The following TENM4 variants were observed in gnomAD, a reference collection of about 807,000 sequenced individuals.
TENM4 encodes teneurin transmembrane protein 4.
A neutral mutation model predicts 243.3 loss-of-function variants in TENM4; 82 were observed. That is an observed-to-expected ratio of 0.34 (90% CI 0.28 to 0.40). The LOEUF (loss-of-function observed/expected upper bound fraction) is 0.40. Among genes scored for constraint, TENM4 ranks in the 10% least tolerant of loss-of-function variants. The pLI is 1.00. For synonymous variants in TENM4, 1,412 were observed against 1,456.3 expected (o/e 0.97, Z 0.69); for missense variants, 3,138 against 3,673.3 (o/e 0.85, Z 3.77).
At chr11:79,276,539 C>T (rs1856059296) in intron 2 of TENM4, among the ~76,000 whole-genome samples, 1 of 152,194 alleles carries the variant, frequency 6.6e-6, no homozygotes, top group Non-Finnish European at 1.5e-5. Context: ...CGGCATGCAT[C>T]TTTCTCCTAG....
At chr11:79,277,038 G>T (rs528280440) in intron 2 of TENM4, among the ~76,000 whole-genome samples, 103 of 152,102 alleles carry the variant, frequency 6.8e-4, no homozygotes, top group Non-Finnish European at 1.2e-3. Context: ...GCATTATTCT[G>T]TTTTTTTGGC....
At chr11:79,316,718 C>T (rs145440190) in intron 1 of TENM4, among the ~76,000 whole-genome samples, 41 of 152,266 alleles carry the variant, frequency 2.7e-4, no homozygotes, top group African/African-American at 7.5e-4. Flanking sequence ...GAAGTGCAGG[C>T]GGGCAGGCAA....
chr11:79,250,787 C>A (rs569229093), intron 2 of TENM4, among the ~76,000 whole-genome samples: 1 of 152,196 alleles, frequency 6.6e-6, no homozygotes, highest in African/African-American at 2.4e-5. Flanking sequence ...CAACAACTTG[C>A]TAGGCGAAGC....
intron 1 of TENM4, among the ~76,000 whole-genome samples, chr11:79,416,488 A>T (rs1858816439): frequency 1.3e-5 from 2 of 152,152 alleles, no homozygotes; most frequent in South Asian, 4.1e-4. Context: ...GCATTCTTTC[A>T]TGTGCCTCTT....
At chr11:79,325,949 C>A (rs1028777302) in intron 1 of TENM4, among the ~76,000 whole-genome samples, 3 of 152,164 alleles carry the variant, frequency 2.0e-5, no homozygotes, top group African/African-American at 4.8e-5. Context: ...AATTAGGAAC[C>A]AAAATCACTT....
intron 17 of TENM4, among the ~76,000 whole-genome samples, chr11:78,777,547 C>G (rs1029393218): frequency 1.3e-5 from 2 of 150,776 alleles, no homozygotes; most frequent in African/African-American, 2.5e-5. Flanking sequence ...ATAATTCATA[C>G]TTATTGAGCA....
At chr11:79,046,303 CG>C (rs1238682891) in intron 6 of TENM4, among the ~76,000 whole-genome samples, 1 of 152,154 alleles carries the variant, frequency 6.6e-6, no homozygotes, top group African/African-American at 2.4e-5. Context: ...CAGAACAAAA[CG>C]GTTTCTTCTG....
intron 30 of TENM4, among the ~76,000 whole-genome samples, chr11:78,672,862 G>T (rs1858368235): frequency 6.6e-6 from 1 of 152,004 alleles, no homozygotes. Context: ...ACACTCAGTG[G>T]CCCTCTGAGC....
chr11:78,721,186 G>A (rs1402003325), intron 24 of TENM4, among the ~76,000 whole-genome samples: 2 of 152,142 alleles, frequency 1.3e-5, no homozygotes, highest in Non-Finnish European at 2.9e-5. Flanking sequence ...ACACAAATAC[G>A]CTCAAAGAAT....
At chr11:78,868,179 G>C (rs1053397790) in intron 9 of TENM4, among the ~76,000 whole-genome samples, 5 of 151,712 alleles carry the variant, frequency 3.3e-5, no homozygotes, top group African/African-American at 9.7e-5. Context: ...TGTATTCCAT[G>C]TTCCCTGAAG....
chr11:78,677,668 T>C (rs1396711315), intron 29 of TENM4, among the ~76,000 whole-genome samples: 1 of 151,882 alleles, frequency 6.6e-6, no homozygotes, highest in Admixed American at 6.6e-5. Context: ...AAAAAATACA[T>C]AAATATAAAC....
intron 15 of TENM4, among the ~76,000 whole-genome samples, chr11:78,790,435 T>C (rs942580789): frequency 6.6e-6 from 1 of 152,238 alleles, no homozygotes; most frequent in South Asian, 2.1e-4. Context: ...AATGAGGTAA[T>C]ATGTGGGAAA....
chr11:79,205,470 G>A (rs149147681), intron 3 of TENM4, among the ~76,000 whole-genome samples: 11 of 152,198 alleles, frequency 7.2e-5, no homozygotes, highest in East Asian at 5.8e-4. Flanking sequence ...CTCCATACCC[G>A]CATCCCTTCC....
At chr11:79,077,362 C>T (rs1211800278) in intron 4 of TENM4, among the ~76,000 whole-genome samples, 1 of 152,126 alleles carries the variant, frequency 6.6e-6, no homozygotes, top group Non-Finnish European at 1.5e-5. Context: ...GAAACAGTGA[C>T]ATCTAAATGA....
chr11:78,849,553 C>T (rs1858482873), intron 12 of TENM4, among the ~76,000 whole-genome samples: 1 of 152,094 alleles, frequency 6.6e-6, no homozygotes, highest in African/African-American at 2.4e-5. Flanking sequence ...AAGCATGGTC[C>T]TCAACACACA....
rs765889088 is a variant in TENM4, at chr11:78,703,610, G to T, written c.4210-1207C>A. On this transcript the variant is annotated intron_variant, in intron 27 of 33. Coordinates refer to ENST00000278550, the MANE Select transcript of TENM4 (RefSeq NM_001098816.3). ...CTTCAGTGGACTTGAAGGCTGGATTGTTGGATCTATCACACTAGGAGGTAT... is the reference window on the plus strand; with the variant it reads ...CTTCAGTGGACTTGAAGGCTGGATTTTTGGATCTATCACACTAGGAGGTAT... Among the ~76,000 whole-genome samples, 120 of 152,122 alleles carry T rather than the reference G, an allele frequency of 7.9e-4. 1 individual carries two copies. Among genetic ancestry groups the T allele is most frequent in the Non-Finnish European group, 1.4e-3 (95 of 68,018 alleles).
At chr11:78,730,158 T>C (rs900429752) in intron 21 of TENM4, among the ~76,000 whole-genome samples, 4 of 152,138 alleles carry the variant, frequency 2.6e-5, no homozygotes, top group South Asian at 2.1e-4. Flanking sequence ...AAAGGTCACA[T>C]AGGTAAAGTG....
intron 6 of TENM4, among the ~76,000 whole-genome samples, chr11:79,031,274 G>A (rs534539918): frequency 6.6e-6 from 1 of 152,300 alleles, no homozygotes; most frequent in East Asian, 1.9e-4. Context: ...TGTATTTGGG[G>A]CAGGGGAGAT....
At chr11:79,295,493 A>G (rs893350129) in intron 2 of TENM4, among the ~76,000 whole-genome samples, 1 of 152,178 alleles carries the variant, frequency 6.6e-6, no homozygotes, top group Admixed American at 6.5e-5. Flanking sequence ...GTGCTTCCTA[A>G]ACAAAGACCC....
Sources: gnomAD v4.1 joint callset for allele counts (sites outside exome capture counted in the v4.1 genomes callset) on GRCh38, gnomAD v4.1.1 for gene constraint, MANE v1.5 for transcripts, NCBI Gene and HGNC (gene_info 2026-07-23, HGNC 2026-07-21) for gene names.